LRRIQ1: variants seen among roughly 807,000 people sequenced by gnomAD.
The protein encoded by LRRIQ1 is leucine rich repeats and IQ motif containing 1.
Under a neutral mutation model 211.9 loss-of-function variants are expected in LRRIQ1, and 210 were observed. That is an observed-to-expected ratio of 0.99 (90% confidence interval 0.89 to 1.11). The LOEUF (loss-of-function observed/expected upper bound fraction) is 1.11. LRRIQ1 is among the 50% of genes most tolerant of loss of function. The pLI is 0.00. For synonymous variants in LRRIQ1, 699 were observed against 650.1 expected, an observed-to-expected ratio of 1.08 and a Z score of -1.14; for missense variants, 2,136 against 1,939.5, an observed-to-expected ratio of 1.10 and a Z score of -1.90.
chr12:85,160,815 A>G (rs1890824666), intron 24 of LRRIQ1, 101 bp downstream of exon 24: 1 of 507,774 alleles, frequency 2.0e-6, no homozygotes. Context: ...TAAAGTATAT[A>G]TATAAAGAAT....
intron 24 of LRRIQ1, among the ~76,000 whole-genome samples, chr12:85,206,409 G>GGTGTC: frequency 6.6e-6 from 1 of 152,290 alleles, no homozygotes; most frequent in African/African-American, 2.4e-5. Flanking sequence ...CAGGGCCACT[G>GGTGTC]GTGTCTGTGT....
intron 24 of LRRIQ1, among the ~76,000 whole-genome samples, chr12:85,222,561 G>A (rs1894450439): frequency 6.6e-6 from 1 of 152,160 alleles, no homozygotes; most frequent in Non-Finnish European, 1.5e-5. Flanking sequence ...CACAGTTCCA[G>A]TGAAAGGGTG....
At chr12:85,173,188 C>A (rs1297199953) in intron 24 of LRRIQ1, among the ~76,000 whole-genome samples, 1 of 152,084 alleles carries the variant, frequency 6.6e-6, no homozygotes, top group African/African-American at 2.4e-5. Flanking sequence ...TAATAAAATT[C>A]TGTAAATTCT....
chr12:85,217,652 ATG>A (rs1190879787), intron 24 of LRRIQ1, among the ~76,000 whole-genome samples: 13 of 137,140 alleles, frequency 9.5e-5, no homozygotes, highest in Non-Finnish European at 2.0e-4. Flanking sequence ...ATATGTGTAT[ATG>A]TATATATGTA....
At chr12:85,229,122 C>A (rs535385935) in intron 24 of LRRIQ1, among the ~76,000 whole-genome samples, 2 of 152,174 alleles carry the variant, frequency 1.3e-5, no homozygotes, top group Middle Eastern at 3.4e-3. Context: ...TTTATAAATT[C>A]TCCATATGGA....
chr12:85,160,650 A>T lies in LRRIQ1; in HGVS notation c.4758A>T (p.Glu1586Asp). The part of the protein sequence containing the change: ...TVRLALFKNN[E>D]NKVSLPKSPK... The stretch of plus-strand genomic sequence containing the variant: ...GTCTAGCCTTATTCAAAAACAATGA[A>T]AATAAAGTGTCTCTTCCAAAATCAC... Residue 1586 changes from glutamate to aspartate, a missense_variant, in exon 24 of 27, where the codon GAA becomes GAT. Coordinates refer to ENST00000393217, the MANE Select transcript of LRRIQ1 (RefSeq NM_001079910.2). 1 of 1,610,704 alleles carries T rather than the reference A, an allele frequency of 6.2e-7. No individual in the cohort carries two copies. Among genetic ancestry groups the T allele is most frequent in the Non-Finnish European group, 8.5e-7 (1 of 1,177,624 alleles).
chr12:85,137,511 A>G (rs1889219528), intron 18 of LRRIQ1, among the ~76,000 whole-genome samples: 1 of 151,656 alleles, frequency 6.6e-6, no homozygotes, highest in Admixed American at 6.6e-5. Context: ...AACATTAGCA[A>G]AATGGGTTTT....
intron 26 of LRRIQ1, among the ~76,000 whole-genome samples, chr12:85,243,775 A>G (rs1291735105): frequency 6.6e-6 from 1 of 151,664 alleles, no homozygotes; most frequent in Non-Finnish European, 1.5e-5. Context: ...AGTAGGAAGA[A>G]GGTGGGAGGG....
chr12:85,252,753 C>G (rs535373022), intron 1 of LRRIQ1, among the ~76,000 whole-genome samples: 75 of 151,648 alleles, frequency 4.9e-4, no homozygotes, highest in African/African-American at 1.3e-3. Flanking sequence ...AGAAAGTTTC[C>G]TTTTTTGAAG....
At chr12:85,050,943 A>C (rs1194868227) in intron 6 of LRRIQ1, among the ~76,000 whole-genome samples, 1 of 152,102 alleles carries the variant, frequency 6.6e-6, no homozygotes. Flanking sequence ...AGAAGGTCCT[A>C]CTCATTCTCA....
intron 1 of LRRIQ1, among the ~76,000 whole-genome samples, chr12:85,258,089 C>T (rs1361807515): frequency 6.6e-6 from 1 of 151,612 alleles, no homozygotes; most frequent in East Asian, 1.9e-4. Flanking sequence ...ATTCCCAACC[C>T]AATGTGATAT....
At chr12:85,165,305 C>G (rs1368435798) in intron 24 of LRRIQ1, among the ~76,000 whole-genome samples, 1 of 151,940 alleles carries the variant, frequency 6.6e-6, no homozygotes, top group Non-Finnish European at 1.5e-5. Context: ...TCTCCCCACT[C>G]TAGTAGTTCC....
At chr12:85,072,772 A>G in intron 10 of LRRIQ1, 135 bp from the exon 11 acceptor site, 1 of 457,358 alleles carries the variant, frequency 2.2e-6, no homozygotes, top group Non-Finnish European at 3.7e-6. Context: ...AAGTTTAGAC[A>G]TTTATTTTTA....
downstream of LRRIQ1, among the ~76,000 whole-genome samples, chr12:85,268,087 T>G (rs1227730286): frequency 6.6e-6 from 1 of 152,096 alleles, no homozygotes; most frequent in South Asian, 2.1e-4. Context: ...AGATTAAAAT[T>G]GGATCAATTC....
In LRRIQ1 at chr12:85,098,586, A is replaced by G. The variant is rs780595364; in HGVS notation, c.3081+38A>G. On this transcript the variant is annotated intron_variant, in intron 12 of 26. Coordinates refer to ENST00000393217, the MANE Select transcript of LRRIQ1 (RefSeq NM_001079910.2). Reference sequence around the variant, plus strand: ...AATTAATTGATTTCTGTGATAAAGCAACACTTTTCTTTTGATAGAAATACC... The same window carrying G: ...AATTAATTGATTTCTGTGATAAAGCGACACTTTTCTTTTGATAGAAATACC... 6.7e-6 allele frequency: 10 copies of G among 1,499,822 alleles called. No individual in the cohort carries two copies. The South Asian group carries it at 1.1e-4, about 17-fold the overall frequency. 92.9% of individuals were successfully genotyped at this position (1,499,822 alleles called of 1,614,324 possible). A position where few individuals can be genotyped will look rare whatever the true frequency, so the allele number is the denominator to read the frequency against.
intron 15 of LRRIQ1, among the ~76,000 whole-genome samples, chr12:85,116,073 A>G (rs904566896): frequency 2.6e-5 from 4 of 152,202 alleles, no homozygotes; most frequent in African/African-American, 7.2e-5. Context: ...TGAACAAATT[A>G]TCGTAGTATA....
chr12:85,220,836 T>G (rs1894367835), intron 24 of LRRIQ1, among the ~76,000 whole-genome samples: 1 of 145,348 alleles, frequency 6.9e-6, no homozygotes, highest in South Asian at 2.2e-4. Flanking sequence ...GAGACAAAGT[T>G]TCGCTCTGTC....
intron 24 of LRRIQ1, among the ~76,000 whole-genome samples, chr12:85,227,536 T>C (rs973429466): frequency 6.6e-6 from 1 of 152,164 alleles, no homozygotes; most frequent in Non-Finnish European, 1.5e-5. Context: ...TTTTTTCTTG[T>C]AAATTTGTTT....
rs552653513 is a variant in LRRIQ1, at chr12:85,076,953, G to A, written c.2887+3855G>A. Among the ~76,000 whole-genome samples the A allele has an allele frequency of 3.9e-5, 6 of 152,274 alleles. No individual in the cohort carries two copies. In the South Asian group the frequency reaches 1.2e-3, roughly 32 times the overall value. On this transcript the variant is annotated intron_variant, in intron 11 of 26. Coordinates refer to ENST00000393217, the MANE Select transcript of LRRIQ1 (RefSeq NM_001079910.2). ...AGTTTTCATCTAACTCATGGCAGAG[G>A]TAGGGCTGGGATCCAAGTTTCCTGA...
Sources: allele counts gnomAD v4.1 joint callset (sites outside exome capture counted in the v4.1 genomes callset), GRCh38; gene constraint gnomAD v4.1.1; transcripts MANE v1.5; gene names NCBI Gene and HGNC (gene_info 2026-07-23, HGNC 2026-07-21).